Variants in DSG4 observed in about 807,000 individuals in gnomAD.
DSG4 encodes desmoglein-4.
A neutral mutation model predicts 93.1 loss-of-function variants in DSG4; 87 were observed. The ratio of observed to expected loss-of-function variants is 0.93; its 90% confidence interval spans 0.79 to 1.12. The LOEUF is 1.12. Among genes scored for constraint, DSG4 ranks in the 50% most tolerant of loss-of-function variants. The pLI, the probability that DSG4 is intolerant of heterozygous loss-of-function variation, is 0.00. For synonymous variants in DSG4, 432 were observed against 452.9 expected (o/e 0.95, Z 0.59); for missense variants, 1,373 against 1,285.7 (o/e 1.07, Z -1.04).
intron 1 of DSG4, among the ~76,000 whole-genome samples, chr18:31,380,139 C>A (rs1328662310): frequency 2.6e-5 from 4 of 152,132 alleles, no homozygotes; most frequent in Non-Finnish European, 5.9e-5. Flanking sequence ...CAAGAGATAT[C>A]TAGTATTACC....
chr18:31,411,805 CCT>C (rs2072497185), intron 15 of DSG4, among the ~76,000 whole-genome samples: 1 of 152,098 alleles, frequency 6.6e-6, no homozygotes, highest in African/African-American at 2.4e-5. Flanking sequence ...GCATTTATGA[CCT>C]CTGTTTTTGA....
intron 1 of DSG4, among the ~76,000 whole-genome samples, chr18:31,384,067 A>G (rs1307636579): frequency 1.3e-5 from 2 of 152,200 alleles, no homozygotes; most frequent in Non-Finnish European, 2.9e-5. Flanking sequence ...ATCTATTAAT[A>G]TGAACAAGTT....
chr18:31,403,881 T>C (rs1278075884), intron 11 of DSG4, among the ~76,000 whole-genome samples: 1 of 152,216 alleles, frequency 6.6e-6, no homozygotes, highest in Non-Finnish European at 1.5e-5. Context: ...AATACCAGTT[T>C]ACCCATCATT....
At chr18:31,390,979 G>A in intron 6 of DSG4, 99 bp from the exon 7 acceptor site, 1 of 1,532,666 alleles carries the variant, frequency 6.5e-7, no homozygotes, top group Non-Finnish European at 8.9e-7. Flanking sequence ...AATTTCATTG[G>A]ATATGTAAAT....
chr18:31,413,418 G>A lies in DSG4; in HGVS notation c.2946G>A (p.Thr982=), dbSNP rs1215614194. Residue 982 remains threonine (T), a synonymous_variant, in exon 16 of 16, where the codon ACG becomes ACA. Transcript: ENST00000308128. ...TGCCTGACATGAGCAATAGTAGCAC[G>A]ACTGAGGGTTGTATGGGACCTGTGA... is the stretch of plus-strand genomic sequence containing the variant. ...PGVPDMSNSS[T]TEGCMGPVMS... 2.7e-5 allele frequency: 43 copies of A among 1,613,644 alleles called. No individual in the cohort carries two copies. The highest frequency in any genetic ancestry group is 1.7e-4 in the African/African-American group (13 of 74,840).
intron 8 of DSG4, among the ~76,000 whole-genome samples, chr18:31,392,660 A>G (rs950469417): frequency 9.9e-5 from 15 of 152,222 alleles, no homozygotes; most frequent in African/African-American, 3.4e-4. Context: ...GTCATGATAT[A>G]AAACATAATT....
chr18:31,414,571 G>A lies in DSG4; in HGVS notation c.*976G>A, dbSNP rs1462796980. On this transcript the variant is annotated 3_prime_UTR_variant, in exon 16 of 16. Coordinates refer to ENST00000308128, the MANE Select transcript of DSG4 (RefSeq NM_177986.5). The stretch of plus-strand genomic sequence containing the variant: ...TGTGAATATACAGGTAAAGAAGACA[G>A]ACATGGTTTCTGCCTTCATAGAGCT... 1.3e-5 allele frequency: 2 copies of A among 152,216 alleles called. No homozygotes were observed. Among genetic ancestry groups the A allele is most frequent in the Non-Finnish European group, 2.9e-5 (2 of 68,036 alleles). The allele number at this position is 152,216 out of a possible 1,614,324, so 9.4% of individuals were successfully genotyped here. A position where few individuals can be genotyped will look rare whatever the true frequency, so the allele number is the denominator to read the frequency against.
intron 12 of DSG4, among the ~76,000 whole-genome samples, chr18:31,407,150 C>A (rs977149008): frequency 5.9e-5 from 9 of 151,832 alleles, no homozygotes; most frequent in African/African-American, 1.7e-4. Flanking sequence ...CAAAAAAAAA[C>A]CACACACACA....
At chr18:31,403,358 G>A in intron 10 of DSG4, 58 bp from the exon 11 acceptor site, 1 of 1,402,940 alleles carries the variant, frequency 7.1e-7, no homozygotes, top group Non-Finnish European at 9.9e-7. Flanking sequence ...GGGGATATGA[G>A]AAAGAGTTTT....
chr18:31,394,039 A>G (rs200231316), intron 8 of DSG4, among the ~76,000 whole-genome samples: 2 of 152,194 alleles, frequency 1.3e-5, no homozygotes, highest in African/African-American at 4.8e-5. Flanking sequence ...TCAGCAAACT[A>G]TGATCCAGAG....
At chr18:31,385,050 TA>T in intron 1 of DSG4, 85 bp from the exon 2 acceptor site, 1 of 1,137,514 alleles carries the variant, frequency 8.8e-7, no homozygotes, top group South Asian at 1.3e-5. Flanking sequence ...AATGAATTAA[TA>T]AAAGAATATT....
Position 31,412,679 on chromosome 18 carries a change from A to G in DSG4, c.2356-149A>G, listed in dbSNP as rs9957634. Reference sequence around the variant, plus strand: ...ATGCTATCACAGAATGTGCATGGATAGTATCAATTATTTTAATGAGTGATT... The same window carrying G: ...ATGCTATCACAGAATGTGCATGGATGGTATCAATTATTTTAATGAGTGATT... On this transcript the variant is annotated intron_variant, in intron 15 of 15. Coordinates refer to ENST00000308128, the MANE Select transcript of DSG4 (RefSeq NM_177986.5). The G allele has an allele frequency of 7.2e-4, 560 of 775,608 alleles. 2 individuals carry two copies. In the African/African-American group the frequency reaches 8.5e-3, roughly 12 times the overall value. 48.0% of individuals were successfully genotyped at this position (775,608 alleles called of 1,614,324 possible). A position where few individuals can be genotyped will look rare whatever the true frequency, so the allele number is the denominator to read the frequency against.
intron 7 of DSG4, 28 bp from the exon 8 acceptor site, chr18:31,392,127 G>A (rs774477364): frequency 1.2e-6 from 2 of 1,609,162 alleles, no homozygotes; most frequent in African/African-American, 2.7e-5. Context: ...AAAATTCATT[G>A]ACTACAAAAT....
chr18:31,402,468 A>G (rs2072378526), intron 10 of DSG4, among the ~76,000 whole-genome samples: 1 of 152,210 alleles, frequency 6.6e-6, no homozygotes, highest in South Asian at 2.1e-4. Flanking sequence ...ATCTAGTAAA[A>G]ACAAGTCCAA....
chr18:31,386,867 A>G (rs761660174), intron 3 of DSG4, 48 bp downstream of exon 3: 2 of 1,610,710 alleles, frequency 1.2e-6, no homozygotes, highest in Non-Finnish European at 1.7e-6. Flanking sequence ...AGAGCAGGGA[A>G]GCTTTCAAAT....
At chr18:31,390,940 T>C in intron 6 of DSG4, 118 bp downstream of exon 6, 1 of 1,500,312 alleles carries the variant, frequency 6.7e-7, no homozygotes, top group Non-Finnish European at 9.0e-7. Context: ...TAATCCATTT[T>C]TAATAAAAAT....
chr18:31,379,962 G>A (rs1419729090), intron 1 of DSG4, among the ~76,000 whole-genome samples: 2 of 152,120 alleles, frequency 1.3e-5, no homozygotes, highest in African/African-American at 2.4e-5. Flanking sequence ...ACTCATCACC[G>A]CAAAGGTTAC....
intron 8 of DSG4, among the ~76,000 whole-genome samples, chr18:31,392,699 A>AAGGG (rs1341849372): frequency 2.6e-5 from 4 of 152,342 alleles, no homozygotes; most frequent in Admixed American, 2.6e-4. Flanking sequence ...ATATGAAATA[A>AAGGG]TGAAAGAGAT....
rs571271904 is a variant in DSG4, at chr18:31,378,125, G to A, written c.48+1166G>A. On this transcript the variant is annotated intron_variant, in intron 1 of 15. Coordinates refer to ENST00000308128, the MANE Select transcript of DSG4 (RefSeq NM_177986.5). The stretch of plus-strand genomic sequence containing the variant: ...CTCAAAAGGGAACGTGACAACAGTG[G>A]TAGAATATTGCATCCTCTGAGTTTA... 4.6e-5 allele frequency among the ~76,000 whole-genome samples: 7 copies of A among 152,328 alleles called. No homozygotes were observed. In the South Asian group the frequency reaches 1.5e-3, roughly 32 times the overall value.
Sources: gnomAD v4.1 joint callset for allele counts (sites outside exome capture counted in the v4.1 genomes callset) on GRCh38, gnomAD v4.1.1 for gene constraint, MANE v1.5 for transcripts, NCBI Gene and HGNC (gene_info 2026-07-23, HGNC 2026-07-21) for gene names.